CHD9: variants seen among roughly 807,000 people sequenced by gnomAD.
CHD9 encodes ATP-dependent chromatin remodeler CHD9.
CHD9 carries 77 observed loss-of-function variants against 316.1 expected under a neutral mutation model. That is an observed-to-expected ratio of 0.24 (90% CI 0.20 to 0.29). CHD9 has a LOEUF of 0.29. CHD9 is among the 10% of genes least tolerant of loss of function. The pLI is 1.00. For synonymous variants in CHD9, 1,129 were observed against 1,158.3 expected (o/e 0.97, Z 0.51); for missense variants, 2,763 against 3,438.1 (o/e 0.80, Z 4.91).
chr16:53,294,106 A>T (rs1410106508), intron 29 of CHD9, among the ~76,000 whole-genome samples: 1 of 152,222 alleles, frequency 6.6e-6, no homozygotes, highest in Non-Finnish European at 1.5e-5. Flanking sequence ...GAACTACTGA[A>T]GTCAAAGGGA....
Position 53,318,226 on chromosome 16 carries a change from T to C in CHD9, c.7599T>C (p.His2533=). 1 of 1,612,244 alleles carries C rather than the reference T, an allele frequency of 6.2e-7. No individual in the cohort carries two copies. Among genetic ancestry groups the C allele is most frequent in the Non-Finnish European group, 8.5e-7 (1 of 1,179,108 alleles). ...ATATATTTTAGAGAATGCAGCTTCA[T>C]GAGGGAAGACCCAAACAAAAAAGAC... ...LGAFIPRMQL[H]EGRPKQKRHR... Residue 2533 remains histidine (H), a synonymous_variant, in exon 37 of 39, where the codon CAT becomes CAC. Coordinates refer to ENST00000447540, the MANE Select transcript of CHD9 (RefSeq NM_001308319.2).
At chr16:53,185,422 T>G (rs2043903360) in intron 2 of CHD9, among the ~76,000 whole-genome samples, 1 of 152,122 alleles carries the variant, frequency 6.6e-6, no homozygotes, top group Non-Finnish European at 1.5e-5. Flanking sequence ...TGATTTAGGG[T>G]GTCTGGCAGA....
chr16:53,232,291 G>A (rs918349965), intron 10 of CHD9, among the ~76,000 whole-genome samples: 1 of 152,122 alleles, frequency 6.6e-6, no homozygotes, highest in African/African-American at 2.4e-5. Flanking sequence ...TTCTTTTGGG[G>A]TGGGGTCTAT....
intron 1 of CHD9, among the ~76,000 whole-genome samples, chr16:53,072,052 C>A (rs976830082): frequency 6.6e-6 from 1 of 152,264 alleles, no homozygotes; most frequent in East Asian, 1.9e-4. Flanking sequence ...ACCTCTGTAT[C>A]CAAATGTCTG....
intron 2 of CHD9, among the ~76,000 whole-genome samples, chr16:53,182,669 A>G (rs1169303326): frequency 6.6e-6 from 1 of 152,160 alleles, no homozygotes; most frequent in African/African-American, 2.4e-5. Flanking sequence ...TTTTAGAAAA[A>G]CACTTCACTA....
chr16:53,202,582 G>A (rs996576931), intron 2 of CHD9, among the ~76,000 whole-genome samples: 2 of 151,992 alleles, frequency 1.3e-5, no homozygotes, highest in African/African-American at 2.4e-5. Flanking sequence ...TCTGGATTTT[G>A]TTGATTGCAT....
At chr16:53,226,229 C>A in intron 4 of CHD9, 137 bp from the exon 5 acceptor site, 3 of 529,620 alleles carry the variant, frequency 5.7e-6, no homozygotes, top group South Asian at 3.7e-5. Flanking sequence ...TAATTAAAAA[C>A]AAAATAGGAA....
Position 53,245,876 on chromosome 16 carries a change from A to G in CHD9, c.3454+26A>G. ...GTAGCTAAAAAAGATTACAACAAAT[A>G]TGTTTTTTCTTGCAACAAATACTAA... On this transcript the variant is annotated intron_variant, in intron 15 of 38. Coordinates refer to ENST00000447540, the MANE Select transcript of CHD9 (RefSeq NM_001308319.2). The surrounding 1 kb of genome is among the most constrained non-coding windows in gnomAD (Gnocchi z 4.1). 7.0e-7 allele frequency: 1 copy of G among 1,437,578 alleles called. No homozygotes were observed. The highest frequency in any genetic ancestry group is 9.2e-7 in the Non-Finnish European group (1 of 1,088,732). 89.1% of individuals were successfully genotyped at this position (1,437,578 alleles called of 1,614,324 possible). A position where few individuals can be genotyped will look rare whatever the true frequency, so the allele number is the denominator to read the frequency against.
intron 19 of CHD9, among the ~76,000 whole-genome samples, chr16:53,259,873 G>A (rs892999145): frequency 6.6e-6 from 1 of 152,128 alleles, no homozygotes; most frequent in Non-Finnish European, 1.5e-5. Flanking sequence ...TTACCAGATT[G>A]GTTAAATCTC....
intron 2 of CHD9, among the ~76,000 whole-genome samples, chr16:53,171,935 AAAT>A (rs1478975357): frequency 6.6e-6 from 1 of 151,574 alleles, no homozygotes; most frequent in East Asian, 1.9e-4. Context: ...CACCAATTAG[AAAT>A]AATCACTTTT....
chr16:53,085,240 T>A (rs1459837289), intron 1 of CHD9, among the ~76,000 whole-genome samples: 8 of 151,000 alleles, frequency 5.3e-5, no homozygotes, highest in African/African-American at 2.0e-4. Flanking sequence ...TTTTTTTTTT[T>A]TTTTTTTTTA....
At chr16:53,288,382 G>T (rs939020645) in intron 27 of CHD9, among the ~76,000 whole-genome samples, 2 of 152,204 alleles carry the variant, frequency 1.3e-5, no homozygotes, top group African/African-American at 4.8e-5. Flanking sequence ...GAAGAGGTTT[G>T]AGATAGAGGG....
chr16:53,216,183 T>C (rs916866639), intron 3 of CHD9, among the ~76,000 whole-genome samples: 1 of 152,172 alleles, frequency 6.6e-6, no homozygotes, highest in African/African-American at 2.4e-5. Context: ...GAAATTTTAT[T>C]TTAGAATTAA....
At chr16:53,064,652 G>A (rs1247282171) in intron 1 of CHD9, among the ~76,000 whole-genome samples, 1 of 152,146 alleles carries the variant, frequency 6.6e-6, no homozygotes, top group African/African-American at 2.4e-5. Flanking sequence ...CCAGAGCCTG[G>A]TGAGGAAGCC....
intron 2 of CHD9, among the ~76,000 whole-genome samples, chr16:53,197,745 C>T (rs1480377523): frequency 6.6e-6 from 1 of 151,566 alleles, no homozygotes; most frequent in African/African-American, 2.4e-5. Context: ...ACCTCCGTCA[C>T]CCTCCTGAGT....
chr16:53,285,850 G>C (rs1054741096), intron 25 of CHD9, among the ~76,000 whole-genome samples, 151 bp downstream of exon 25: 4 of 152,130 alleles, frequency 2.6e-5, no homozygotes, highest in Non-Finnish European at 5.9e-5. Context: ...AACTATGTCT[G>C]TCAGTCACCA....
intron 1 of CHD9, among the ~76,000 whole-genome samples, chr16:53,143,174 G>C (rs774043354): frequency 6.6e-6 from 1 of 151,906 alleles, no homozygotes; most frequent in Non-Finnish European, 1.5e-5. Flanking sequence ...CTAAACTTTG[G>C]GGGACATATT....
At chr16:53,204,927 T>A (rs902193206) in intron 2 of CHD9, among the ~76,000 whole-genome samples, 1 of 152,168 alleles carries the variant, frequency 6.6e-6, no homozygotes, top group African/African-American at 2.4e-5. Flanking sequence ...GACTGCAACC[T>A]CCACCTCCTG....
At chr16:53,290,568 T>A (rs530576529) in intron 27 of CHD9, among the ~76,000 whole-genome samples, 1 of 151,254 alleles carries the variant, frequency 6.6e-6, no homozygotes, top group South Asian at 2.1e-4. Context: ...GAACAGAGAT[T>A]GCTTGAGCCC....
Sources: gnomAD v4.1 joint callset for allele counts (sites outside exome capture counted in the v4.1 genomes callset) on GRCh38, gnomAD v4.1.1 for gene constraint, Gnocchi (gnomAD v3.1) non-coding constraint, MANE v1.5 for transcripts, NCBI Gene and HGNC (gene_info 2026-07-23, HGNC 2026-07-21) for gene names.